Variants in FAM193A observed in about 807,000 individuals in gnomAD.
The protein encoded by FAM193A is protein FAM193A.
A neutral mutation model predicts 126.5 loss-of-function variants in FAM193A; 22 were observed. The observed-to-expected ratio is 0.17, with a 90% CI of 0.12 to 0.25. The LOEUF is 0.25. Among genes scored for constraint, FAM193A ranks in the 10% least tolerant of loss-of-function variants. The pLI is 1.00. For synonymous variants in FAM193A, 761 were observed against 646.8 expected (o/e 1.18, Z -2.68); for missense variants, 1,675 against 1,672.8 (o/e 1.00, Z -0.02).
intron 7 of FAM193A, among the ~76,000 whole-genome samples, chr4:2,656,288 T>G (rs1175790237): frequency 1.3e-5 from 2 of 152,194 alleles, no homozygotes; most frequent in African/African-American, 4.8e-5. Context: ...CCTAATTCAT[T>G]TTTACAGGGA....
chr4:2,656,436 A>G (rs111493784), intron 7 of FAM193A, among the ~76,000 whole-genome samples: 12 of 152,338 alleles, frequency 7.9e-5, no homozygotes, highest in African/African-American at 2.9e-4. Context: ...CGTTTAGTAA[A>G]GGGTTGTAAA....
intron 17 of FAM193A, 66 bp from the exon 18 acceptor site, chr4:2,696,297 T>C: frequency 3.0e-6 from 3 of 1,005,208 alleles, no homozygotes; most frequent in South Asian, 1.5e-5. Context: ...TTTTTGGAGG[T>C]GTGGTCTGAA....
intron 13 of FAM193A, among the ~76,000 whole-genome samples, chr4:2,675,676 C>T (rs995092916): frequency 4.6e-5 from 7 of 152,160 alleles, no homozygotes; most frequent in African/African-American, 1.7e-4. Context: ...CAATCTTAAC[C>T]ATTTTTAAGT....
intron 20 of FAM193A, among the ~76,000 whole-genome samples, chr4:2,721,281 C>G (rs1178949026): frequency 6.9e-6 from 1 of 144,458 alleles, no homozygotes; most frequent in Non-Finnish European, 1.5e-5. Flanking sequence ...CCACTGCACT[C>G]CAGCCTGGGC....
At chr4:2,704,662 C>A (rs184299608) in intron 19 of FAM193A, among the ~76,000 whole-genome samples, 1 of 152,330 alleles carries the variant, frequency 6.6e-6, no homozygotes, top group Admixed American at 6.5e-5. Context: ...TCAGCCCACC[C>A]ACCAGCAGCA....
At chr4:2,551,525 T>C (rs1737921026) in intron 1 of FAM193A, among the ~76,000 whole-genome samples, 2 of 152,210 alleles carry the variant, frequency 1.3e-5, no homozygotes, top group African/African-American at 4.8e-5. Flanking sequence ...TTTCAAGGAA[T>C]TGGTTCATTT....
intron 19 of FAM193A, chr4:2,715,337 C>A: frequency 5.9e-6 from 1 of 168,762 alleles, no homozygotes; most frequent in Non-Finnish European, 1.2e-5. Flanking sequence ...GTGGTGTGCA[C>A]GTTTGATCCC....
At chr4:2,625,024 AT>A (rs1318723326) in intron 2 of FAM193A, among the ~76,000 whole-genome samples, 3 of 152,122 alleles carry the variant, frequency 2.0e-5, no homozygotes, top group Admixed American at 2.0e-4. Flanking sequence ...CGCCCGGCCT[AT>A]TTTTTGTATT....
intron 1 of FAM193A, among the ~76,000 whole-genome samples, chr4:2,586,132 A>T (rs1740221606): frequency 6.6e-6 from 1 of 151,816 alleles, no homozygotes; most frequent in Non-Finnish European, 1.5e-5. Flanking sequence ...AATCCTAGCT[A>T]CTGGGGAATC....
At chr4:2,629,595 T>G (rs928719181) in intron 4 of FAM193A, among the ~76,000 whole-genome samples, 1 of 152,196 alleles carries the variant, frequency 6.6e-6, no homozygotes, top group African/African-American at 2.4e-5. Context: ...TTCTTTTCTT[T>G]TGACATAATA....
rs536822293 is a variant in FAM193A, at chr4:2,588,220, C to G, written c.256-7864C>G. Among the ~76,000 whole-genome samples the G allele has an allele frequency of 3.0e-4, 45 of 152,368 alleles. No individual in the cohort carries two copies. In the South Asian group the frequency reaches 9.1e-3, roughly 31 times the overall value. On this transcript the variant is annotated intron_variant, in intron 1 of 20. Coordinates refer to ENST00000637812, the MANE Select transcript of FAM193A (RefSeq NM_001366318.2). ...CCACATCTACTCCACTGCTCCCCTT[C>G]CTCTCAACTTCCATCATTAGGCTCA...
intron 20 of FAM193A, among the ~76,000 whole-genome samples, chr4:2,717,368 A>G (rs1199400750): frequency 6.6e-6 from 1 of 152,140 alleles, no homozygotes; most frequent in East Asian, 1.9e-4. Context: ...CAAGACAGGC[A>G]GATCACTTGA....
At chr4:2,725,720 T>C (rs1577283531) in intron 20 of FAM193A, among the ~76,000 whole-genome samples, 1 of 151,774 alleles carries the variant, frequency 6.6e-6, no homozygotes, top group African/African-American at 2.4e-5. Context: ...CAACTTTTTT[T>C]TTTTTTTTAA....
intron 1 of FAM193A, among the ~76,000 whole-genome samples, chr4:2,577,666 G>A (rs1257376288): frequency 6.6e-6 from 1 of 152,038 alleles, no homozygotes; most frequent in African/African-American, 2.4e-5. Flanking sequence ...TGATCCACCT[G>A]CCTGAGCCTC....
intron 7 of FAM193A, among the ~76,000 whole-genome samples, chr4:2,648,672 TG>T (rs1745372927): frequency 6.6e-6 from 1 of 152,200 alleles, no homozygotes; most frequent in Non-Finnish European, 1.5e-5. Flanking sequence ...CTGTGCCATG[TG>T]GGGGCAGCAC....
intron 1 of FAM193A, among the ~76,000 whole-genome samples, chr4:2,540,586 T>TG (rs1737172158): frequency 6.6e-6 from 1 of 152,010 alleles, no homozygotes; most frequent in Non-Finnish European, 1.5e-5. Context: ...AGGCTGAGCT[T>TG]GCAGTGAGCC....
chr4:2,578,559 A>G (rs1446263259), intron 1 of FAM193A, among the ~76,000 whole-genome samples: 1 of 151,860 alleles, frequency 6.6e-6, no homozygotes, highest in Non-Finnish European at 1.5e-5. Context: ...TCATTCTTGT[A>G]CTGTCTAAGT....
intron 1 of FAM193A, among the ~76,000 whole-genome samples, chr4:2,543,521 ACC>A (rs1396094056): frequency 6.7e-6 from 1 of 148,226 alleles, no homozygotes; most frequent in African/African-American, 2.5e-5. Context: ...ACGTGGAGAG[ACC>A]CTCCCCGCCA....
chr4:2,697,070 G>A (rs960041512), intron 18 of FAM193A, among the ~76,000 whole-genome samples: 1 of 152,138 alleles, frequency 6.6e-6, no homozygotes, highest in East Asian at 1.9e-4. Flanking sequence ...TTGTCCCACT[G>A]CTGTTCCAGA....
Sources: allele counts gnomAD v4.1 joint callset (sites outside exome capture counted in the v4.1 genomes callset), GRCh38; gene constraint gnomAD v4.1.1; transcripts MANE v1.5; gene names NCBI Gene and HGNC (gene_info 2026-07-23, HGNC 2026-07-21).